Variants in SLC25A48 observed in about 807,000 individuals in gnomAD.
SLC25A48 encodes solute carrier family 25 member 48, also known as CTC-321K16.1.
A neutral mutation model predicts 32.2 loss-of-function variants in SLC25A48; 29 were observed. The observed-to-expected ratio is 0.90, with a 90% CI of 0.67 to 1.23. The LOEUF (loss-of-function observed/expected upper bound fraction) is 1.23, where lower values mean the gene tolerates loss of function less well. SLC25A48 is among the 50% of genes most tolerant of loss of function. The pLI is 0.00. For synonymous variants in SLC25A48, 164 were observed against 172.3 expected (o/e 0.95, Z 0.38); for missense variants, 399 against 422.7 (o/e 0.94, Z 0.49).
At chr5:135,710,513 G>T (rs893991400) in intron 3 of SLC25A48, among the ~76,000 whole-genome samples, 1 of 152,210 alleles carries the variant, frequency 6.6e-6, no homozygotes, top group Non-Finnish European at 1.5e-5. Context: ...GAGCCAGACT[G>T]TCTGGGATCA....
chr5:135,664,331 C>T (rs1033197380), intron 3 of SLC25A48, among the ~76,000 whole-genome samples: 1 of 152,220 alleles, frequency 6.6e-6, no homozygotes. Context: ...GGCAAATGGA[C>T]CCTGGTGACC....
At chr5:135,818,104 TC>T (rs1648331456) in intron 4 of SLC25A48, among the ~76,000 whole-genome samples, 5 of 141,756 alleles carry the variant, frequency 3.5e-5, no homozygotes, top group Non-Finnish European at 4.7e-5. Context: ...TCTCTCTCTC[TC>T]TCTCTCTCTC....
chr5:135,655,478 G>A (rs939811486), intron 3 of SLC25A48, among the ~76,000 whole-genome samples: 9 of 152,242 alleles, frequency 5.9e-5, no homozygotes, highest in Admixed American at 4.6e-4. Flanking sequence ...TGTCTATCGC[G>A]TCTAATTCCA....
intron 3 of SLC25A48, among the ~76,000 whole-genome samples, chr5:135,638,837 A>G (rs1450820656): frequency 6.6e-6 from 1 of 152,208 alleles, no homozygotes; most frequent in African/African-American, 2.4e-5. Context: ...TCAACTCTAT[A>G]TAAGCACTAT....
intron 1 of SLC25A48, among the ~76,000 whole-genome samples, chr5:135,589,779 C>T (rs1751465490): frequency 6.6e-6 from 1 of 152,188 alleles, no homozygotes; most frequent in African/African-American, 2.4e-5. Flanking sequence ...ACTGCAACCT[C>T]TGCCTCCTGG....
At chr5:135,641,490 G>A (rs1752835757) in intron 3 of SLC25A48, among the ~76,000 whole-genome samples, 1 of 103,672 alleles carries the variant, frequency 9.6e-6, no homozygotes, top group Admixed American at 1.1e-4. Context: ...TTTGCTCCAA[G>A]GGACTCTCAT....
chr5:135,879,202 C>T (rs1000349702), intron 6 of SLC25A48, among the ~76,000 whole-genome samples: 9 of 152,022 alleles, frequency 5.9e-5, no homozygotes, highest in Admixed American at 5.9e-4. Flanking sequence ...GAGGTTGAGT[C>T]CTACTCCCTA....
At chr5:135,589,711 T>C (rs940916609) in intron 1 of SLC25A48, among the ~76,000 whole-genome samples, 1 of 151,568 alleles carries the variant, frequency 6.6e-6, no homozygotes, top group African/African-American at 2.4e-5. Context: ...TTTATTTATT[T>C]TGAGGCGGAG....
intron 3 of SLC25A48, among the ~76,000 whole-genome samples, chr5:135,756,199 T>C (rs759822387): frequency 9.2e-5 from 14 of 152,108 alleles, no homozygotes; most frequent in Non-Finnish European, 1.6e-4. Context: ...TTATAATATC[T>C]AGTGTTAACA....
intron 3 of SLC25A48, among the ~76,000 whole-genome samples, chr5:135,779,975 A>G (rs1756680427): frequency 8.6e-6 from 1 of 115,614 alleles, no homozygotes; most frequent in Admixed American, 9.0e-5. Flanking sequence ...GCAGGGGCAT[A>G]CATCCAATAC....
In SLC25A48 at chr5:135,671,040, C is replaced by A. The variant is rs529522139; in HGVS notation, c.-521+36084C>A. 1.4e-4 allele frequency among the ~76,000 whole-genome samples: 21 copies of A among 152,262 alleles called. No homozygotes were observed. In the South Asian group the frequency reaches 4.1e-3, roughly 30 times the overall value. ...GAGGTTGGGGCCTGCTGTCATGGCA[C>A]GGACGAATGGCTTGGGGGTCAGTGT... On this transcript the variant is annotated intron_variant, in intron 3 of 10. Coordinates refer to the SLC25A48 transcript ENST00000646290.
At chr5:135,595,521 T>C (rs1397214290) in intron 1 of SLC25A48, among the ~76,000 whole-genome samples, 1 of 152,202 alleles carries the variant, frequency 6.6e-6, no homozygotes, top group Non-Finnish European at 1.5e-5. Context: ...AGCTGTCGTG[T>C]CTGTCACCTT....
chr5:135,762,286 G>A (rs556531218), intron 3 of SLC25A48, among the ~76,000 whole-genome samples: 1 of 152,276 alleles, frequency 6.6e-6, no homozygotes, highest in East Asian at 1.9e-4. Context: ...GCAGGGAGAG[G>A]CAAGGGCCCA....
intron 1 of SLC25A48, among the ~76,000 whole-genome samples, chr5:135,623,949 C>G (rs902828648): frequency 6.6e-5 from 10 of 152,316 alleles, no homozygotes; most frequent in African/African-American, 2.2e-4. Flanking sequence ...CCAGCCTCAC[C>G]TTCACAGAGC....
chr5:135,793,292 A>G (rs1228869513), intron 3 of SLC25A48, among the ~76,000 whole-genome samples: 1 of 149,466 alleles, frequency 6.7e-6, no homozygotes, highest in African/African-American at 2.5e-5. Context: ...TACCACCTGG[A>G]ACATTATTCT....
chr5:135,727,951 C>T (rs775622424), intron 3 of SLC25A48, among the ~76,000 whole-genome samples: 26 of 152,136 alleles, frequency 1.7e-4, no homozygotes, highest in Non-Finnish European at 3.5e-4. Flanking sequence ...ATTTTGTGTT[C>T]TGTCTTTTAA....
At position 135,632,222 on chromosome 5, in the gene SLC25A48, G is replaced by C. The variant is rs539054212; in HGVS notation, c.-708-2547G>C. Among the ~76,000 whole-genome samples the C allele has an allele frequency of 7.9e-5, 12 of 152,338 alleles. No individual in the cohort carries two copies. In the East Asian group the frequency reaches 2.1e-3, roughly 27 times the overall value. On this transcript the variant is annotated intron_variant, in intron 2 of 10. Transcript: ENST00000646290. ...GCGTAGGCTTTGTCTTGAGGGCCAT[G>C]GGGAGCCACTAAAAGGTTTCATGCA... is the stretch of plus-strand genomic sequence containing the variant.
intron 3 of SLC25A48, chr5:135,742,437 G>C: frequency 4.7e-6 from 7 of 1,483,522 alleles, no homozygotes; most frequent in Non-Finnish European, 6.3e-6. Flanking sequence ...ACATCTCCCA[G>C]TGGTTCCTGA....
chr5:135,872,952 C>T (rs960250448), intron 5 of SLC25A48, among the ~76,000 whole-genome samples: 1 of 152,190 alleles, frequency 6.6e-6, no homozygotes, highest in African/African-American at 2.4e-5. Flanking sequence ...CAGTCAGTAC[C>T]GACTGGCAGA....
Sources: gnomAD v4.1 joint callset for allele counts (sites outside exome capture counted in the v4.1 genomes callset) on GRCh38, gnomAD v4.1.1 for gene constraint, MANE v1.5 for transcripts, NCBI Gene and HGNC (gene_info 2026-07-23, HGNC 2026-07-21) for gene names.